The following CHD7 variants were observed in gnomAD, a reference collection of about 807,000 sequenced individuals.
CHD7 encodes the protein ATP-dependent chromatin remodeler CHD7.
CHD7 carries 24 observed loss-of-function variants against 307.3 expected under a neutral mutation model. The observed-to-expected ratio is 0.08, with a 90% CI of 0.06 to 0.11. The LOEUF (loss-of-function observed/expected upper bound fraction) is 0.11, where lower values mean the gene tolerates loss of function less well. Among genes scored for constraint, CHD7 ranks in the 10% least tolerant of loss-of-function variants. The pLI, the probability that CHD7 is intolerant of heterozygous loss-of-function variation, is 1.00. For missense variants in CHD7, 3,106 were observed against 3,727.1 expected, an observed-to-expected ratio of 0.83 and a Z score of 4.34; for synonymous variants, 1,363 against 1,349.9, an observed-to-expected ratio of 1.01 and a Z score of -0.21.
At chr8:60,815,642 AG>A (rs1392929703) in intron 7 of CHD7, among the ~76,000 whole-genome samples, 2 of 152,116 alleles carry the variant, frequency 1.3e-5, no homozygotes, top group African/African-American at 4.8e-5. Context: ...TCTTGAGGGG[AG>A]GGGGTTTGCC....
At chr8:60,811,115 A>G (rs1326185208) in intron 7 of CHD7, among the ~76,000 whole-genome samples, 1 of 152,214 alleles carries the variant, frequency 6.6e-6, no homozygotes, top group Non-Finnish European at 1.5e-5. Flanking sequence ...ATTGTCTTCC[A>G]CGAAACTGGT....
intron 2 of CHD7, among the ~76,000 whole-genome samples, chr8:60,753,344 A>G (rs1809731365): frequency 6.6e-6 from 1 of 152,216 alleles, no homozygotes; most frequent in Admixed American, 6.5e-5. Context: ...CTCTGATGCA[A>G]CAACGTGTCT....
At chr8:60,697,984 G>T (rs1806568600) in intron 1 of CHD7, among the ~76,000 whole-genome samples, 2 of 152,306 alleles carry the variant, frequency 1.3e-5, no homozygotes, top group East Asian at 1.9e-4. Context: ...GTGTTAATCT[G>T]TCAGACTGCT....
chr8:60,822,505 G>A lies in CHD7; in HGVS notation c.2960G>A (p.Arg987Gln), dbSNP rs767390470. 139 of 1,612,572 alleles carry A rather than the reference G, an allele frequency of 8.6e-5. No homozygotes were observed. Among genetic ancestry groups the A allele is most frequent in the Non-Finnish European group, 1.1e-4 (133 of 1,178,944 alleles). The change falls in exon 12 of 38, where the codon CGA (arginine) becomes CAA (glutamine). Residue 987 changes from arginine to glutamine, a missense_variant and splice_region_variant. Physicochemically the swap from Arg to Gln is conservative, Grantham distance 43. Around this residue, in one of 10 missense-constraint regions of CHD7, gnomAD observed 188 missense variants for 261.7 expected, o/e 0.72. Transcript: ENST00000423902. ...NWLLFNWYNM[R>Q]NCILADEMGL... ...TGTACTTCATTTTCCTCCTAAAGGCGAAACTGCATTTTAGCAGATGAAATG... is the reference window on the plus strand; with the variant it reads ...TGTACTTCATTTTCCTCCTAAAGGCAAAACTGCATTTTAGCAGATGAAATG...
chr8:60,696,842 TG>T (rs201789666), intron 1 of CHD7, among the ~76,000 whole-genome samples: 6 of 151,650 alleles, frequency 4.0e-5, no homozygotes, highest in Admixed American at 3.9e-4. Context: ...AAATTTTGCA[TG>T]TTTTTTTTTT....
chr8:60,852,453 T>C, intron 29 of CHD7, 45 bp from the exon 30 acceptor site: 1 of 1,533,808 alleles, frequency 6.5e-7, no homozygotes, highest in East Asian at 2.3e-5. Flanking sequence ...AAATATTAAG[T>C]CTTTTCCTGA....
intron 2 of CHD7, among the ~76,000 whole-genome samples, chr8:60,771,214 A>G (rs565032490): frequency 6.6e-6 from 1 of 152,340 alleles, no homozygotes; most frequent in African/African-American, 2.4e-5. Flanking sequence ...TCCTAGGTAG[A>G]AAAACAATTT....
Position 60,689,272 on chromosome 8 carries a change from G to C in CHD7, c.-175+10190G>C, listed in dbSNP as rs1386283923. Reference sequence around the variant, plus strand: ...GTTTGCAAATGTATCAATATCAAAAGTTTTAAAAGAACAGTAGCTCCAAGG... The same window carrying C: ...GTTTGCAAATGTATCAATATCAAAACTTTTAAAAGAACAGTAGCTCCAAGG... On this transcript the variant is annotated intron_variant, in intron 1 of 37. Transcript: ENST00000423902. 7.2e-5 allele frequency among the ~76,000 whole-genome samples: 11 copies of C among 152,182 alleles called. No individual in the cohort carries two copies. The East Asian group carries it at 1.9e-3, about 27-fold the overall frequency.
chr8:60,783,602 C>G (rs561204622), intron 3 of CHD7, among the ~76,000 whole-genome samples: 81 of 152,294 alleles, frequency 5.3e-4, no homozygotes, highest in African/African-American at 1.1e-3. Context: ...TACCTTCCCC[C>G]CTCCTGCGGC....
intron 23 of CHD7, among the ~76,000 whole-genome samples, chr8:60,848,162 T>C (rs1805294666): frequency 6.6e-6 from 1 of 152,218 alleles, no homozygotes; most frequent in Admixed American, 6.5e-5. Flanking sequence ...CTGAAAGCCA[T>C]CTGCTCAGTT....
chr8:60,775,974 G>T (rs1176718621), intron 2 of CHD7, among the ~76,000 whole-genome samples: 1 of 152,134 alleles, frequency 6.6e-6, no homozygotes, highest in Non-Finnish European at 1.5e-5. Flanking sequence ...TGGCCAGGCT[G>T]GTCTCCAACT....
chr8:60,838,879 A>C (rs1359224801), intron 19 of CHD7, among the ~76,000 whole-genome samples: 1 of 152,196 alleles, frequency 6.6e-6, no homozygotes, highest in Non-Finnish European at 1.5e-5. Context: ...TGTTCTAGCC[A>C]TCTCAGTGAG....
chr8:60,848,413 C>T, intron 23 of CHD7, 102 bp from the exon 24 acceptor site: 2 of 751,760 alleles, frequency 2.7e-6, no homozygotes, highest in South Asian at 3.4e-5. Flanking sequence ...GGCTAATCAG[C>T]CTTGGCAGGA....
At chr8:60,784,896 T>A (rs1811423886) in intron 3 of CHD7, among the ~76,000 whole-genome samples, 1 of 152,220 alleles carries the variant, frequency 6.6e-6, no homozygotes, top group African/African-American at 2.4e-5. Context: ...TGTATCTTTT[T>A]TCCCTTTCCC....
intron 24 of CHD7, 60 bp from the exon 25 acceptor site, chr8:60,848,991 A>G: frequency 1.5e-6 from 2 of 1,296,330 alleles, no homozygotes; most frequent in Non-Finnish European, 2.2e-6. Context: ...GCTATGTATC[A>G]CATTCATTAC....
chr8:60,826,226 C>G (rs1804248840), intron 13 of CHD7, among the ~76,000 whole-genome samples: 1 of 152,140 alleles, frequency 6.6e-6, no homozygotes, highest in Admixed American at 6.5e-5. Context: ...CTGACCTTCC[C>G]CAAGGACTTA....
intron 30 of CHD7, 50 bp from the exon 31 acceptor site, chr8:60,852,779 G>C: frequency 2.5e-6 from 4 of 1,608,400 alleles, no homozygotes; most frequent in Non-Finnish European, 3.4e-6. Context: ...GTACAATGTA[G>C]AATGCCCTTG....
At chr8:60,775,363 T>TAAGC (rs137934348) in intron 2 of CHD7, among the ~76,000 whole-genome samples, 2 of 151,170 alleles carry the variant, frequency 1.3e-5, no homozygotes, top group Non-Finnish European at 1.5e-5. Context: ...TACTACTTTA[T>TAAGC]TCCTACCAGT....
Position 60,856,205 on chromosome 8 carries a change from G to A in CHD7, c.7164+3G>A, listed in dbSNP as rs1181000692. ...CTACGTCTCCTCAGTTGTCAAAGGTGAATTAGAATGGCTTGTTTCTGCAGC... is the reference window on the plus strand; with the variant it reads ...CTACGTCTCCTCAGTTGTCAAAGGTAAATTAGAATGGCTTGTTTCTGCAGC... On this transcript the variant is annotated splice_donor_region_variant and intron_variant, in intron 33 of 37. Transcript: ENST00000423902. 11 of 1,567,078 alleles carry A rather than the reference G, an allele frequency of 7.0e-6. No individual in the cohort carries two copies. In the Admixed American group the frequency reaches 2.1e-4, roughly 29 times the overall value.
Sources: gnomAD v4.1 joint callset for allele counts (sites outside exome capture counted in the v4.1 genomes callset) on GRCh38, gnomAD v4.1.1 for gene constraint, gnomAD v4.1.1 regional missense constraint, MANE v1.5 for transcripts, NCBI Gene and HGNC (gene_info 2026-07-23, HGNC 2026-07-21) for gene names.